Variants in RYR3 observed in about 807,000 individuals in gnomAD.
The protein encoded by RYR3 is ryanodine receptor 3, also known as brain ryanodine receptor-calcium release channel.
Under a neutral mutation model 584.3 loss-of-function variants are expected in RYR3, and 207 were observed. The ratio of observed to expected loss-of-function variants is 0.35; its 90% CI spans 0.32 to 0.40. RYR3 has a LOEUF of 0.40. Among genes scored for constraint, RYR3 ranks in the 10% least tolerant of loss-of-function variants. The pLI, the probability that RYR3 is intolerant of heterozygous loss-of-function variation, is 1.00. For missense variants in RYR3, 5,616 were observed against 6,089.2 expected, an observed-to-expected ratio of 0.92 and a Z score of 2.59; for synonymous variants, 2,416 against 2,248.5, an observed-to-expected ratio of 1.07 and a Z score of -2.11.
chr15:33,425,846 G>A (rs373309976), intron 1 of RYR3, among the ~76,000 whole-genome samples: 4 of 151,974 alleles, frequency 2.6e-5, no homozygotes, highest in Non-Finnish European at 5.9e-5. Context: ...GTTTCACCGT[G>A]TTAGCCAGGA....
At chr15:33,626,920 G>A (rs2061020165) in intron 20 of RYR3, among the ~76,000 whole-genome samples, 1 of 152,112 alleles carries the variant, frequency 6.6e-6, no homozygotes, top group South Asian at 2.1e-4. Context: ...AACGGGTGGG[G>A]TCCTCATGGA....
rs1263030273 is a variant in RYR3 at position 33,390,789 on chromosome 15, C to T, written c.51+79693C>T. Among the ~76,000 whole-genome samples the T allele has an allele frequency of 2.0e-5, 3 of 152,206 alleles. No homozygotes were observed. The highest frequency in any genetic ancestry group is 2.9e-5 in the Non-Finnish European group (2 of 68,008). ...TGCTAGTCAGAGGGTGCTTCTGTGA[C>T]CATACCCCAATAAAAACCCTGGATG... On this transcript the variant is annotated intron_variant, in intron 1 of 103. Transcript: ENST00000634891. This position sits in a 1 kb window ranked among gnomAD's most constrained non-coding sequence, Gnocchi z 4.2.
intron 70 of RYR3, among the ~76,000 whole-genome samples, chr15:33,808,762 C>T (rs1311075667): frequency 6.6e-6 from 1 of 152,094 alleles, no homozygotes; most frequent in African/African-American, 2.4e-5. Flanking sequence ...AAGCAGCTTT[C>T]CCTTCCTGCT....
At chr15:33,389,199 C>T (rs1296020720) in intron 1 of RYR3, among the ~76,000 whole-genome samples, 2 of 151,670 alleles carry the variant, frequency 1.3e-5, no homozygotes, top group Admixed American at 6.6e-5. Context: ...GCACGTTGTG[C>T]ACATGTGCCC....
At chr15:33,579,622 T>C (rs996657153) in intron 12 of RYR3, among the ~76,000 whole-genome samples, 11 of 152,296 alleles carry the variant, frequency 7.2e-5, no homozygotes, top group Admixed American at 1.3e-4. Context: ...TGAAATTACC[T>C]CTTTAGATTA....
intron 2 of RYR3, among the ~76,000 whole-genome samples, chr15:33,493,619 C>G (rs777214495): frequency 2.6e-5 from 4 of 152,182 alleles, no homozygotes; most frequent in Non-Finnish European, 4.4e-5. Flanking sequence ...GGCACCTTAG[C>G]TTTGTAACAT....
At chr15:33,346,408 C>G (rs1360122446) in intron 1 of RYR3, among the ~76,000 whole-genome samples, 1 of 152,220 alleles carries the variant, frequency 6.6e-6, no homozygotes, top group Admixed American at 6.5e-5. Flanking sequence ...TTATTATTTA[C>G]CTGAATCCTC....
chr15:33,548,236 G>A (rs746840718), intron 9 of RYR3, 32 bp downstream of exon 9: 1 of 1,402,466 alleles, frequency 7.1e-7, no homozygotes, highest in Non-Finnish European at 1.0e-6. Flanking sequence ...CCCTTTTCAA[G>A]ATTACTTTCT....
chr15:33,328,606 A>G (rs1233602319), intron 1 of RYR3, among the ~76,000 whole-genome samples: 1 of 152,216 alleles, frequency 6.6e-6, no homozygotes, highest in Non-Finnish European at 1.5e-5. Context: ...ATAAGTGCAT[A>G]TATTTCCTAT....
chr15:33,742,275 G>A, intron 51 of RYR3, 91 bp from the exon 52 acceptor site: 1 of 817,286 alleles, frequency 1.2e-6, no homozygotes, highest in South Asian at 1.5e-5. Flanking sequence ...TCCACCTTCT[G>A]ACAGCTGGTT....
intron 16 of RYR3, among the ~76,000 whole-genome samples, chr15:33,589,431 T>C (rs2059018645): frequency 1.3e-5 from 2 of 152,242 alleles, no homozygotes; most frequent in Non-Finnish European, 2.9e-5. Flanking sequence ...CTATTGATTA[T>C]TTATTTTGCT....
rs1567240963 is a variant in RYR3 at position 33,820,776 on chromosome 15, T to G, written c.10779T>G (p.Asp3593Glu). The change falls in exon 78 of 104, where the codon GAT (aspartate) becomes GAG (glutamate). Residue 3593 changes from aspartate (D) to glutamate (E), a missense_variant. Physicochemically the swap from Asp to Glu is conservative, Grantham distance 45 (BLOSUM62 2). Coordinates refer to ENST00000634891, the MANE Select transcript of RYR3 (RefSeq NM_001036.6). ...MMAKSCQSGE[D>E]EEEDEDKEKT... is the part of the protein sequence containing the mutation. ...TCCAGAGTTGTCAAAGTGGTGAGGA[T>G]GAAGAAGAAGATGAAGACAAGGAAA... 1.2e-6 allele frequency: 2 copies of G among 1,605,848 alleles called. No individual in the cohort carries two copies. Among genetic ancestry groups the G allele is most frequent in the Non-Finnish European group, 1.7e-6 (2 of 1,176,042 alleles).
intron 1 of RYR3, among the ~76,000 whole-genome samples, chr15:33,364,182 T>A (rs1356601930): frequency 1.3e-5 from 2 of 152,238 alleles, no homozygotes; most frequent in African/African-American, 2.4e-5. Context: ...TTCACCTGTT[T>A]ATTTTTTGTT....
chr15:33,661,330 A>G (rs2063149361), intron 34 of RYR3, among the ~76,000 whole-genome samples: 2 of 152,220 alleles, frequency 1.3e-5, no homozygotes, highest in African/African-American at 4.8e-5. Flanking sequence ...GATAATGTTA[A>G]TTGGTTTCAG....
chr15:33,698,167 C>T (rs1038221235), intron 40 of RYR3, among the ~76,000 whole-genome samples, 171 bp downstream of exon 40: 9 of 152,136 alleles, frequency 5.9e-5, no homozygotes, highest in South Asian at 2.1e-4. Context: ...TGCTGCTGGA[C>T]GGAATCCCAT....
Position 33,663,579 on chromosome 15 carries a change from C to T in RYR3, c.5461C>T (p.His1821Tyr), listed in dbSNP as rs766712025. 5.6e-6 allele frequency: 9 copies of T among 1,613,736 alleles called. No homozygotes were observed. In the African/African-American group the frequency reaches 1.2e-4, roughly 22 times the overall value. Residue 1821 changes from histidine to tyrosine, a missense_variant, in exon 36 of 104, where the codon CAC becomes TAC. Transcript: ENST00000634891. The stretch of plus-strand genomic sequence containing the variant: ...CTATCTCTGCGACTGTGAGCTGCAG[C>T]ACCGAGTGGAGGCCATTGTGGCATT... ...LSYLCDCELQ[H>Y]RVEAIVAFGD... is the part of the protein sequence containing the mutation.
intron 32 of RYR3, among the ~76,000 whole-genome samples, chr15:33,655,999 C>G (rs543216479): frequency 6.6e-6 from 1 of 152,206 alleles, no homozygotes; most frequent in Non-Finnish European, 1.5e-5. Flanking sequence ...AATTTGAACA[C>G]ATTTTTCTGT....
intron 102 of RYR3, among the ~76,000 whole-genome samples, chr15:33,861,825 T>C (rs1409382596): frequency 6.6e-6 from 1 of 152,148 alleles, no homozygotes; most frequent in African/African-American, 2.4e-5. Context: ...TTTTTTGTTT[T>C]TGTTGGCCAG....
Position 33,854,758 on chromosome 15 carries a change from A to G in RYR3, c.13861-8A>G, listed in dbSNP as rs761999537. On this transcript the variant is annotated splice_region_variant and splice_polypyrimidine_tract_variant and intron_variant, in intron 97 of 103. Coordinates refer to ENST00000634891, the MANE Select transcript of RYR3 (RefSeq NM_001036.6). ...CATGCTTAAAAGTCTGCTTTCTTCC[A>G]TTCCCAGTCCTTTCTCTACCTTGCC... 4.4e-6 allele frequency: 7 copies of G among 1,592,434 alleles called. No homozygotes were observed. Among genetic ancestry groups the G allele is most frequent in the Non-Finnish European group, 6.0e-6 (7 of 1,173,658 alleles).
Sources: gnomAD v4.1 joint callset for allele counts (sites outside exome capture counted in the v4.1 genomes callset) on GRCh38, gnomAD v4.1.1 for gene constraint, Gnocchi (gnomAD v3.1) non-coding constraint, MANE v1.5 for transcripts, NCBI Gene and HGNC (gene_info 2026-07-23, HGNC 2026-07-21) for gene names.